Variants in OR3A2 observed in about 807,000 individuals in gnomAD.
The protein encoded by OR3A2 is olfactory receptor 3A2.
For missense variants in OR3A2, 318 were observed against 392.8 expected, an observed-to-expected ratio of 0.81 and a Z score of 1.61; for synonymous variants, 126 against 159.3, an observed-to-expected ratio of 0.79 and a Z score of 1.57.
chr17:3,378,245 G>A (rs181902838), intron 2 of OR3A2, among the ~76,000 whole-genome samples: 52 of 152,284 alleles, frequency 3.4e-4, no homozygotes, highest in African/African-American at 1.0e-3. Flanking sequence ...CCCTCACACC[G>A]CCCTCCCCAG....
intron 2 of OR3A2, among the ~76,000 whole-genome samples, chr17:3,372,596 C>T (rs952278609): frequency 2.0e-5 from 3 of 152,100 alleles, no homozygotes; most frequent in East Asian, 1.9e-4. Flanking sequence ...CCGAGGCTGG[C>T]GGATCACTCG....
intron 2 of OR3A2, among the ~76,000 whole-genome samples, chr17:3,340,638 GTGA>G: frequency 6.9e-6 from 1 of 145,754 alleles, no homozygotes; most frequent in East Asian, 2.0e-4. Flanking sequence ...AGAGTTTGTT[GTGA>G]TTTCTGTCCT....
At chr17:3,322,132 TC>T (rs1259103226) in intron 3 of OR3A2, among the ~76,000 whole-genome samples, 1 of 152,206 alleles carries the variant, frequency 6.6e-6, no homozygotes, top group East Asian at 1.9e-4. Context: ...TTTATCCATT[TC>T]TTCTAGATTT....
At chr17:3,293,918 T>G (rs2150623031) in intron 3 of OR3A2, among the ~76,000 whole-genome samples, 1 of 152,152 alleles carries the variant, frequency 6.6e-6, no homozygotes, top group African/African-American at 2.4e-5. Context: ...AGAATACATG[T>G]ACACAGACAG....
chr17:3,370,098 C>T (rs1403507843), intron 2 of OR3A2, among the ~76,000 whole-genome samples: 1 of 152,136 alleles, frequency 6.6e-6, no homozygotes, highest in Non-Finnish European at 1.5e-5. Flanking sequence ...CCACAGTGCC[C>T]AGCCCAATTC....
chr17:3,299,181 G>GT (rs1468564884), intron 3 of OR3A2, among the ~76,000 whole-genome samples: 1 of 152,212 alleles, frequency 6.6e-6, no homozygotes, highest in Non-Finnish European at 1.5e-5. Flanking sequence ...TGAGGCTAGA[G>GT]TAAGTATCCA....
chr17:3,337,247 C>G (rs1007829047), intron 2 of OR3A2, among the ~76,000 whole-genome samples: 1 of 152,154 alleles, frequency 6.6e-6, no homozygotes. Context: ...TCACTACTAT[C>G]GTTCTCCAGA....
intron 2 of OR3A2, among the ~76,000 whole-genome samples, chr17:3,361,588 C>A (rs1420626766): frequency 6.6e-6 from 1 of 151,538 alleles, no homozygotes; most frequent in African/African-American, 2.4e-5. Flanking sequence ...GAGATACGTC[C>A]CATCAATACC....
At chr17:3,358,853 T>C (rs2049485031) in intron 2 of OR3A2, among the ~76,000 whole-genome samples, 1 of 151,750 alleles carries the variant, frequency 6.6e-6, no homozygotes, top group Admixed American at 6.6e-5. Flanking sequence ...TCTGCCTTGA[T>C]GATCTGTCTA....
In OR3A2 at chr17:3,302,009, T is replaced by C. The variant is rs563839675; in HGVS notation, c.-84-22856A>G. On this transcript the variant is annotated intron_variant, in intron 3 of 4. Coordinates refer to the OR3A2 transcript ENST00000573491. Reference sequence around the variant, plus strand: ...CCATTCACAACTGCTTCAAAGAGAATAAAATACCTAGGAATCCAACTTACA... The same window carrying C: ...CCATTCACAACTGCTTCAAAGAGAACAAAATACCTAGGAATCCAACTTACA... 5.3e-5 allele frequency among the ~76,000 whole-genome samples: 8 copies of C among 152,094 alleles called. No individual in the cohort carries two copies. The South Asian group carries it at 1.7e-3, about 32-fold the overall frequency.
rs763962515 is a variant in OR3A2 at position 3,310,860 on chromosome 17, C to T, written c.-85+25173G>A. On this transcript the variant is annotated intron_variant, in intron 3 of 4. Coordinates refer to the OR3A2 transcript ENST00000573491. ...TGTGATCAATCACTTCTACTGTGAC[C>T]TCCCACAGCCCTTCCAGCTCTCCTG... The T allele has an allele frequency of 6.7e-6, 7 of 1,039,218 alleles. 1 individual carries two copies. In the South Asian group the frequency reaches 7.4e-5, roughly 11 times the overall value. The allele number at this position is 1,039,218 out of a possible 1,614,324, so 64.4% of individuals were successfully genotyped here. A position where few individuals can be genotyped will look rare whatever the true frequency, so the allele number is the denominator to read the frequency against.
chr17:3,335,529 A>G (rs1014134220), intron 3 of OR3A2, among the ~76,000 whole-genome samples: 1 of 152,144 alleles, frequency 6.6e-6, no homozygotes, highest in African/African-American at 2.4e-5. Flanking sequence ...AATTATTTTA[A>G]GTTTAAAAAT....
At chr17:3,291,555 C>T (rs1054296849) in intron 3 of OR3A2, 32 of 1,167,366 alleles carry the variant, frequency 2.7e-5, no homozygotes, top group Non-Finnish European at 3.9e-5. Flanking sequence ...AGGTGTGAAC[C>T]ATTTTTTTCC....
intron 3 of OR3A2, among the ~76,000 whole-genome samples, chr17:3,293,358 G>GA (rs1312348157): frequency 1.3e-5 from 2 of 152,024 alleles, no homozygotes; most frequent in Non-Finnish European, 2.9e-5. Flanking sequence ...GCAAAAGGTA[G>GA]AAAAAAATAC....
At chr17:3,281,929 T>G (rs762423372) in intron 1 of OR3A2, among the ~76,000 whole-genome samples, 11 of 152,144 alleles carry the variant, frequency 7.2e-5, no homozygotes, top group African/African-American at 7.2e-5. Context: ...GGTATGGGTG[T>G]TTCCTTAGCG....
In OR3A2 at chr17:3,350,086, A is replaced by C. The variant is rs2049405850; in HGVS notation, c.-178-13960T>G. On this transcript the variant is annotated intron_variant, in intron 2 of 4. Transcript: ENST00000573491. ...ATGCCCACAAGAGAAAGCAGGAAAG[A>C]TCCAAAATTGACACCCTAACATCAC... Among the ~76,000 whole-genome samples the C allele has an allele frequency of 2.7e-5, 4 of 150,488 alleles. No individual in the cohort carries two copies. In the South Asian group the frequency reaches 8.5e-4, roughly 32 times the overall value.
chr17:3,339,122 C>T lies in OR3A2; in HGVS notation c.-178-2996G>A, dbSNP rs951688833. 7.2e-5 allele frequency among the ~76,000 whole-genome samples: 11 copies of T among 152,194 alleles called. No individual in the cohort carries two copies. In the East Asian group the frequency reaches 2.1e-3, roughly 29 times the overall value. On this transcript the variant is annotated intron_variant, in intron 2 of 4. Transcript: ENST00000573491. Reference sequence around the variant, plus strand: ...TGATTTTTGCACATTGATTTTGTATCCTGAGACTTTGCTGAAGTTGCTTAT... The same window carrying T: ...TGATTTTTGCACATTGATTTTGTATTCTGAGACTTTGCTGAAGTTGCTTAT...
chr17:3,290,560 G>A (rs1432859954), intron 3 of OR3A2, among the ~76,000 whole-genome samples: 9 of 152,190 alleles, frequency 5.9e-5, no homozygotes, highest in African/African-American at 1.9e-4. Context: ...ACAGGTGCCA[G>A]TCAAAGGAAA....
intron 3 of OR3A2, among the ~76,000 whole-genome samples, chr17:3,320,077 G>C (rs1418978926): frequency 2.4e-3 from 366 of 151,458 alleles, no homozygotes; most frequent in African/African-American, 7.7e-3. Flanking sequence ...ATTCTAACTG[G>C]TGTGAGATGG....
Sources: gnomAD v4.1 joint callset for allele counts (sites outside exome capture counted in the v4.1 genomes callset) on GRCh38, gnomAD v4.1.1 for gene constraint, MANE v1.5 for transcripts, NCBI Gene and HGNC (gene_info 2026-07-23, HGNC 2026-07-21) for gene names.